GDAP1L1: variants seen among roughly 807,000 people sequenced by gnomAD.
GDAP1L1 encodes ganglioside-induced differentiation-associated protein 1-like 1.
GDAP1L1 carries 21 observed loss-of-function variants against 37.1 expected under a neutral mutation model. The observed-to-expected ratio is 0.57, with a 90% CI of 0.40 to 0.81. The LOEUF (loss-of-function observed/expected upper bound fraction) is 0.81, where lower values mean the gene tolerates loss of function less well. GDAP1L1 is among the 40% of genes least tolerant of loss of function. The pLI, the probability that GDAP1L1 is intolerant of heterozygous loss-of-function variation, is 0.00. For synonymous variants in GDAP1L1, 193 were observed against 209.1 expected, an observed-to-expected ratio of 0.92 and a Z score of 0.67; for missense variants, 362 against 491.6, an observed-to-expected ratio of 0.74 and a Z score of 2.49.
intron 5 of GDAP1L1, among the ~76,000 whole-genome samples, chr20:44,267,471 C>T (rs1359259759): frequency 2.0e-5 from 3 of 152,026 alleles, no homozygotes; most frequent in Non-Finnish European, 4.4e-5. Context: ...ATTAGCTGGG[C>T]ATGGTGGTGG....
intron 5 of GDAP1L1, among the ~76,000 whole-genome samples, chr20:44,270,394 T>A (rs1244802380): frequency 6.6e-6 from 1 of 151,986 alleles, no homozygotes; most frequent in Non-Finnish European, 1.5e-5. Context: ...ATGGTCTCGA[T>A]CTCCTGACCT....
At chr20:44,263,386 C>A in intron 4 of GDAP1L1, 59 bp downstream of exon 4, 2 of 1,149,180 alleles carry the variant, frequency 1.7e-6, no homozygotes, top group South Asian at 2.5e-5. Context: ...CGGAAATGAA[C>A]AATAGGAGAA....
rs376432330 is a variant in GDAP1L1, at chr20:44,278,930, C to T, written c.761-27C>T. On this transcript the variant is annotated intron_variant, in intron 5 of 5. Coordinates refer to ENST00000342560, the MANE Select transcript of GDAP1L1 (RefSeq NM_024034.6). Reference sequence around the variant, plus strand: ...TGTGTGTGTTAGGGGAGGCTGATCCCCTTGCCTCCTCTTTCTTCCACTCTA... The same window carrying T: ...TGTGTGTGTTAGGGGAGGCTGATCCTCTTGCCTCCTCTTTCTTCCACTCTA... 6 of 1,480,240 alleles carry T rather than the reference C, an allele frequency of 4.1e-6. No homozygotes were observed. In the African/African-American group the frequency reaches 4.1e-5, roughly 10 times the overall value. 91.7% of individuals were successfully genotyped at this position (1,480,240 alleles called of 1,614,324 possible).
intron 5 of GDAP1L1, among the ~76,000 whole-genome samples, chr20:44,274,860 C>T (rs2062556766): frequency 6.6e-6 from 1 of 152,128 alleles, no homozygotes. Flanking sequence ...ATTATCTCCC[C>T]TCGGGGGCCC....
chr20:44,275,367 G>A (rs897391001), intron 5 of GDAP1L1, among the ~76,000 whole-genome samples: 10 of 152,276 alleles, frequency 6.6e-5, no homozygotes, highest in South Asian at 2.1e-4. Context: ...GAATGAATCC[G>A]TGACCAAGAA....
chr20:44,276,462 A>AAG (rs1491265461), intron 5 of GDAP1L1, among the ~76,000 whole-genome samples: 1 of 151,434 alleles, frequency 6.6e-6, no homozygotes, highest in Non-Finnish European at 1.5e-5. Context: ...GAAAGAAAGA[A>AAG]AGAAAAAGAA....
chr20:44,279,451 C>T lies in GDAP1L1; in HGVS notation c.*151C>T, dbSNP rs1317638052. 10 of 711,496 alleles carry T rather than the reference C, an allele frequency of 1.4e-5. No homozygotes were observed. The highest frequency in any genetic ancestry group is 7.6e-5 in the South Asian group (5 of 65,724). The allele number at this position is 711,496 out of a possible 1,614,324, so 44.1% of individuals were successfully genotyped here. ...TAATACCGTCAGTGTGAAAACATTC[C>T]GTAGTTTAGAAGTAGACGTTGCCAA... On this transcript the variant is annotated 3_prime_UTR_variant, in exon 6 of 6. Coordinates refer to ENST00000342560, the MANE Select transcript of GDAP1L1 (RefSeq NM_024034.6).
At chr20:44,271,509 A>C (rs1481635467) in intron 5 of GDAP1L1, among the ~76,000 whole-genome samples, 1 of 152,186 alleles carries the variant, frequency 6.6e-6, no homozygotes, top group African/African-American at 2.4e-5. Context: ...CCTCGCCAGA[A>C]GCATTTCACT....
intron 5 of GDAP1L1, among the ~76,000 whole-genome samples, chr20:44,278,176 A>G (rs1361207826): frequency 6.6e-6 from 1 of 150,718 alleles, no homozygotes; most frequent in East Asian, 1.9e-4. Flanking sequence ...AAAAAAGAAA[A>G]AGAAAGAAAG....
chr20:44,261,971 G>A (rs1443890056), intron 3 of GDAP1L1, among the ~76,000 whole-genome samples: 1 of 152,198 alleles, frequency 6.6e-6, no homozygotes, highest in Non-Finnish European at 1.5e-5. Context: ...CAGCAAGCAT[G>A]TACAGTGGCT....
rs575120209 is a variant in GDAP1L1 at position 44,255,406 on chromosome 20, G to T, written c.181-1747G>T. Reference sequence around the variant, plus strand: ...AAAATACAAAAATTAGCCAAGTGTGGTGGCATGCTCCTGTAATCCCAGCTA... The same window carrying T: ...AAAATACAAAAATTAGCCAAGTGTGTTGGCATGCTCCTGTAATCCCAGCTA... On this transcript the variant is annotated intron_variant, in intron 1 of 5. Coordinates refer to ENST00000342560, the MANE Select transcript of GDAP1L1 (RefSeq NM_024034.6). Among the ~76,000 whole-genome samples, 9 of 151,924 alleles carry T rather than the reference G, an allele frequency of 5.9e-5. No homozygotes were observed. In the South Asian group the frequency reaches 1.9e-3, roughly 32 times the overall value.
chr20:44,257,174 A>G lies in GDAP1L1; in HGVS notation c.202A>G (p.Lys68Glu). Residue 68 changes from lysine (K) to glutamate (E), a missense_variant, in exon 2 of 6, where the codon AAG becomes GAG. Around this residue, in one of 2 missense-constraint regions of GDAP1L1, gnomAD observed 277 missense variants for 337.1 expected, o/e 0.82. Coordinates refer to ENST00000342560, the MANE Select transcript of GDAP1L1 (RefSeq NM_024034.6). ...GCAGGTGCGGCTGGTGATCGCCGAGAAGGGCCTGGTGTGCGAGGAGCGGGA... is the reference window on the plus strand; with the variant it reads ...GCAGGTGCGGCTGGTGATCGCCGAGGAGGGCCTGGTGTGCGAGGAGCGGGA... ...SQKVRLVIAEKGLVCEERDVS... is the reference protein window; with the variant it reads ...SQKVRLVIAEEGLVCEERDVS... The G allele has an allele frequency of 6.2e-7, 1 of 1,600,692 alleles. No homozygotes were observed. Among genetic ancestry groups the G allele is most frequent in the Non-Finnish European group, 8.5e-7 (1 of 1,174,986 alleles).
intron 5 of GDAP1L1, among the ~76,000 whole-genome samples, chr20:44,269,893 T>G (rs1461038703): frequency 3.3e-5 from 5 of 152,160 alleles, no homozygotes; most frequent in Non-Finnish European, 5.9e-5. Context: ...ATTGTGCCAC[T>G]GCACTCCAGG....
chr20:44,273,633 G>C (rs2146050096), intron 5 of GDAP1L1, among the ~76,000 whole-genome samples: 1 of 152,288 alleles, frequency 6.6e-6, no homozygotes, highest in East Asian at 1.9e-4. Context: ...CACCTGTGAA[G>C]CTATATGTGG....
intron 3 of GDAP1L1, among the ~76,000 whole-genome samples, chr20:44,260,194 T>C (rs978313838): frequency 7.3e-5 from 11 of 151,078 alleles, no homozygotes; most frequent in African/African-American, 2.7e-4. Flanking sequence ...GGTACTTCCA[T>C]ACAACGGAAT....
In GDAP1L1 at chr20:44,257,218, C is replaced by T. The variant is rs759789768; in HGVS notation, c.246C>T (p.Ser82=). The change falls in exon 2 of 6, where the codon AGC becomes AGT. Residue 82 remains serine (S), a synonymous_variant. Transcript: ENST00000342560. The stretch of plus-strand genomic sequence containing the variant: ...AGCGGGACGTGAGCCTGCCACAGAG[C>T]GAGCACAAGGAGCCCTGGTTCATGC... ...CEERDVSLPQ[S]EHKEPWFMRL... The T allele has an allele frequency of 1.9e-5, 30 of 1,611,856 alleles. No individual in the cohort carries two copies. Among genetic ancestry groups the T allele is most frequent in the Admixed American group, 5.0e-5 (3 of 59,738 alleles).
intron 5 of GDAP1L1, among the ~76,000 whole-genome samples, chr20:44,273,268 T>C (rs752120883): frequency 1.3e-5 from 2 of 152,212 alleles, no homozygotes; most frequent in Non-Finnish European, 1.5e-5. Flanking sequence ...CAGGGAATTA[T>C]ACCACACTGT....
chr20:44,276,454 A>AAGAAAGAAAGAAAG (rs1397475674), intron 5 of GDAP1L1, among the ~76,000 whole-genome samples: 3 of 150,322 alleles, frequency 2.0e-5, no homozygotes, highest in South Asian at 2.2e-4. Context: ...GAAAGAAAGA[A>AAGAAAGAAAGAAAG]AGAAAGAAAG....
chr20:44,264,452 T>C lies in GDAP1L1; in HGVS notation c.653T>C (p.Ile218Thr). Reference protein sequence around the residue: ...LSKQKKLMAKILEHDDVSYLK... With the variant: ...LSKQKKLMAKTLEHDDVSYLK... ...GCCCTGTCCTGCCCCCAGGCCAAGA[T>C]CTTGGAGCATGATGATGTGAGCTAC... Residue 218 changes from isoleucine (I) to threonine (T), a missense_variant, in exon 5 of 6, where the codon ATC becomes ACC. By Grantham distance (89) the Ile-to-Thr change is moderately conservative (BLOSUM62 -1). Around this residue, in one of 2 missense-constraint regions of GDAP1L1, gnomAD observed 277 missense variants for 337.1 expected, o/e 0.82. Transcript: ENST00000342560. 1.3e-6 allele frequency: 2 copies of C among 1,503,430 alleles called. No homozygotes were observed. Among genetic ancestry groups the C allele is most frequent in the East Asian group, 2.4e-5 (1 of 42,474 alleles). The allele number at this position is 1,503,430 out of a possible 1,614,324, so 93.1% of individuals were successfully genotyped here.
Sources: allele counts gnomAD v4.1 joint callset (sites outside exome capture counted in the v4.1 genomes callset), GRCh38; gene constraint gnomAD v4.1.1; regional missense constraint gnomAD v4.1.1; transcripts MANE v1.5; gene names NCBI Gene and HGNC (gene_info 2026-07-23, HGNC 2026-07-21).